Variants in SETD7 observed in about 807,000 individuals in gnomAD.
SETD7 encodes the protein histone-lysine N-methyltransferase SETD7.
SETD7 carries 16 observed loss-of-function variants against 41.8 expected under a neutral mutation model. The ratio of observed to expected loss-of-function variants is 0.38; its 90% CI spans 0.26 to 0.58. The LOEUF (loss-of-function observed/expected upper bound fraction) is 0.58. Among genes scored for constraint, SETD7 ranks in the 20% least tolerant of loss-of-function variants. SETD7 has a pLI of 0.64. For synonymous variants in SETD7, 163 were observed against 169.7 expected, an observed-to-expected ratio of 0.96 and a Z score of 0.31; for missense variants, 346 against 459.7, an observed-to-expected ratio of 0.75 and a Z score of 2.26.
In SETD7 at chr4:139,520,302, T is replaced by C; in HGVS notation, c.737A>G (p.Asn246Ser). The C allele has an allele frequency of 6.2e-7, 1 of 1,601,272 alleles. No individual in the cohort carries two copies. The highest frequency in any genetic ancestry group is 8.5e-7 in the Non-Finnish European group (1 of 1,173,036). The change falls in exon 6 of 8, where the codon AAT becomes AGT. Residue 246 changes from asparagine (N) to serine (S), a missense_variant. Around this residue, in one of 3 missense-constraint regions of SETD7, gnomAD observed 266 missense variants for 377.0 expected, o/e 0.71. Transcript: ENST00000274031. ...VGPNTVMSFY[N>S]GVRITHQEVD... ...CTCTTGGTGTGTAATTCGAACTCCATTATAAAAAGACATAACAGTATTAGG... is the reference window on the plus strand; with the variant it reads ...CTCTTGGTGTGTAATTCGAACTCCACTATAAAAAGACATAACAGTATTAGG...
chr4:139,501,063 A>G (rs556372110), downstream of SETD7, among the ~76,000 whole-genome samples: 1 of 151,216 alleles, frequency 6.6e-6, no homozygotes, highest in African/African-American at 2.4e-5. Flanking sequence ...AAAAAATAGC[A>G]CCCCTCTTGG....
chr4:139,496,259 C>G, exon 8 of SETD7: 1 of 582,532 alleles, frequency 1.7e-6, no homozygotes, highest in Non-Finnish European at 3.0e-6. Flanking sequence ...AAAATGGCTC[C>G]CAGAGTGCGA....
intron 7 of SETD7, among the ~76,000 whole-genome samples, chr4:139,516,697 A>G (rs1727036123): frequency 6.6e-6 from 1 of 152,174 alleles, no homozygotes; most frequent in South Asian, 2.1e-4. Flanking sequence ...TTGTTAATAT[A>G]TAATTTATAT....
rs558216285 is a variant in SETD7, at chr4:139,555,022, A to G, written c.40+1076T>C. Among the ~76,000 whole-genome samples the G allele has an allele frequency of 6.6e-6, 1 of 152,310 alleles. No individual in the cohort carries two copies. Among genetic ancestry groups the G allele is most frequent in the East Asian group, 1.9e-4 (1 of 5,180 alleles). The stretch of plus-strand genomic sequence containing the variant: ...TTAGTTTAAAACATTCTGGTATCAT[A>G]CCACACCACACTGAAAAACATCACG... On this transcript the variant is annotated intron_variant, in intron 1 of 7. Transcript: ENST00000274031. The surrounding 1 kb of genome is among the most constrained non-coding windows in gnomAD (Gnocchi z 4.0).
At chr4:139,519,069 G>A (rs994944499) in intron 6 of SETD7, among the ~76,000 whole-genome samples, 12 of 152,194 alleles carry the variant, frequency 7.9e-5, no homozygotes, top group Admixed American at 7.9e-4. Flanking sequence ...TCTTCTAGGT[G>A]CAGGGGATAC....
intron 2 of SETD7, among the ~76,000 whole-genome samples, chr4:139,537,623 C>T (rs965881826): frequency 1.3e-5 from 2 of 152,068 alleles, no homozygotes; most frequent in Admixed American, 1.3e-4. Context: ...GATTGTAAGC[C>T]CTTTATGGGA....
At chr4:139,548,309 A>C (rs1455978022) in intron 1 of SETD7, among the ~76,000 whole-genome samples, 1 of 152,178 alleles carries the variant, frequency 6.6e-6, no homozygotes, top group Non-Finnish European at 1.5e-5. Context: ...AGCCCTTGGA[A>C]AAGATGGTAA....
chr4:139,539,783 C>T (rs1039336094), intron 2 of SETD7, among the ~76,000 whole-genome samples: 1 of 152,186 alleles, frequency 6.6e-6, no homozygotes, highest in Non-Finnish European at 1.5e-5. Context: ...GCAGAGCCCT[C>T]TTGAATGGGA....
At chr4:139,513,392 C>A (rs1307941996) in intron 7 of SETD7, among the ~76,000 whole-genome samples, 1 of 149,772 alleles carries the variant, frequency 6.7e-6, no homozygotes, top group Admixed American at 6.7e-5. Flanking sequence ...TGCACTCCAG[C>A]CTGGATGACA....
intron 1 of SETD7, among the ~76,000 whole-genome samples, chr4:139,554,967 C>T (rs1728214610): frequency 6.6e-6 from 1 of 152,108 alleles, no homozygotes; most frequent in African/African-American, 2.4e-5. Context: ...CCAGATTCAA[C>T]CAACAGCTAA....
chr4:139,547,024 C>A lies in SETD7; in HGVS notation c.66G>T (p.Pro22=). ...VEGHLDDDGL[P]HGFCTVTYSS... Reference sequence around the variant, plus strand: ...AGTAGGTGACTGTGCAGAACCCGTGCGGTAATCCGTCATCGTCCAGGTGCC... The same window carrying A: ...AGTAGGTGACTGTGCAGAACCCGTGAGGTAATCCGTCATCGTCCAGGTGCC... Residue 22 remains proline (P), a synonymous_variant, in exon 2 of 8, where the codon CCG becomes CCT. Transcript: ENST00000274031. The A allele has an allele frequency of 1.9e-6, 3 of 1,614,018 alleles. No homozygotes were observed. Among genetic ancestry groups the A allele is most frequent in the Non-Finnish European group, 2.5e-6 (3 of 1,179,964 alleles).
chr4:139,551,870 A>C (rs1194777558), intron 1 of SETD7, among the ~76,000 whole-genome samples: 2 of 152,182 alleles, frequency 1.3e-5, no homozygotes, highest in Non-Finnish European at 2.9e-5. Flanking sequence ...AAATTGAAAA[A>C]CAAAAAACAA....
chr4:139,555,816 G>A lies in SETD7; in HGVS notation c.40+282C>T, dbSNP rs1191515223. Among the ~76,000 whole-genome samples the A allele has an allele frequency of 6.6e-6, 1 of 152,150 alleles. No individual in the cohort carries two copies. The highest frequency in any genetic ancestry group is 1.5e-5 in the Non-Finnish European group (1 of 67,994). Reference sequence around the variant, plus strand: ...CGCGGGGCAGGTTTCGCAACTCCGAGGGTGGATGCAGGCTGTGGCCGGGCG... The same window carrying A: ...CGCGGGGCAGGTTTCGCAACTCCGAAGGTGGATGCAGGCTGTGGCCGGGCG... On this transcript the variant is annotated intron_variant, in intron 1 of 7. Transcript: ENST00000274031. The surrounding 1 kb of genome is among the most constrained non-coding windows in gnomAD (Gnocchi z 4.0).
At chr4:139,528,019 G>A (rs1443717655) in intron 4 of SETD7, among the ~76,000 whole-genome samples, 4 of 152,106 alleles carry the variant, frequency 2.6e-5, no homozygotes, top group Non-Finnish European at 4.4e-5. Context: ...CAGATTTATT[G>A]TCTTTTCTGT....
chr4:139,536,109 G>C (rs1727629024), intron 2 of SETD7, among the ~76,000 whole-genome samples: 1 of 152,136 alleles, frequency 6.6e-6, no homozygotes, highest in Admixed American at 6.5e-5. Context: ...TGCTGCAGCA[G>C]AGACCGTATG....
At chr4:139,524,813 C>A (rs933885495) in intron 4 of SETD7, among the ~76,000 whole-genome samples, 6 of 152,058 alleles carry the variant, frequency 3.9e-5, no homozygotes, top group African/African-American at 9.7e-5. Flanking sequence ...TTTAAACCAC[C>A]CTCCCCCACT....
intron 4 of SETD7, among the ~76,000 whole-genome samples, chr4:139,527,638 C>T (rs984072837): frequency 6.6e-6 from 1 of 152,174 alleles, no homozygotes; most frequent in Non-Finnish European, 1.5e-5. Context: ...TGACTGTATA[C>T]AGAAAAGTCG....
chr4:139,552,077 AT>A lies in SETD7; in HGVS notation c.40+4020del, dbSNP rs563386290. Among the ~76,000 whole-genome samples, 12 of 151,832 alleles carry A rather than the reference AT, an allele frequency of 7.9e-5. No individual in the cohort carries two copies. The East Asian group carries it at 1.2e-3, about 15-fold the overall frequency. ...CATATGAAAGTTTGTTACCTGGATA[AT>A]TTTTTTTAAGGGTAATTGTTGGCAA... On this transcript the variant is annotated intron_variant, in intron 1 of 7. Coordinates refer to ENST00000274031, the MANE Select transcript of SETD7 (RefSeq NM_030648.4).
At chr4:139,520,212 G>T (rs1727141607) in intron 6 of SETD7, 65 bp downstream of exon 6, 1 of 786,610 alleles carries the variant, frequency 1.3e-6, no homozygotes, top group Non-Finnish European at 2.0e-6. Flanking sequence ...TAAGGTAAAG[G>T]GATTTTGTTT....
Sources: allele counts gnomAD v4.1 joint callset (sites outside exome capture counted in the v4.1 genomes callset), GRCh38; gene constraint gnomAD v4.1.1; regional missense constraint gnomAD v4.1.1; non-coding constraint Gnocchi (gnomAD v3.1); transcripts MANE v1.5; gene names NCBI Gene and HGNC (gene_info 2026-07-23, HGNC 2026-07-21).